N4BP2L2: variants seen among roughly 807,000 people sequenced by gnomAD.
The protein encoded by N4BP2L2 is NEDD4-binding protein 2-like 2.
N4BP2L2 carries 50 observed loss-of-function variants against 56.2 expected under a neutral mutation model. The ratio of observed to expected loss-of-function variants is 0.89; its 90% CI spans 0.71 to 1.13. N4BP2L2 has a LOEUF of 1.13. Ranked by LOEUF, N4BP2L2 falls within the 50% of genes most tolerant of loss-of-function variation. N4BP2L2 has a pLI of 0.00. For synonymous variants in N4BP2L2, 203 were observed against 223.6 expected, an observed-to-expected ratio of 0.91 and a Z score of 0.82; for missense variants, 689 against 693.8, an observed-to-expected ratio of 0.99 and a Z score of 0.08.
At chr13:32,497,376 A>G (rs1291681805) in intron 6 of N4BP2L2, among the ~76,000 whole-genome samples, 1 of 152,204 alleles carries the variant, frequency 6.6e-6, no homozygotes, top group Non-Finnish European at 1.5e-5. Context: ...CCTTGCTCCC[A>G]AGATTTTAGT....
chr13:32,486,047 C>A (rs991745581), intron 6 of N4BP2L2, among the ~76,000 whole-genome samples: 3 of 151,260 alleles, frequency 2.0e-5, no homozygotes, highest in Non-Finnish European at 3.0e-5. Context: ...TCCAGCCTGG[C>A]GAACAGAGAT....
chr13:32,441,967 T>A (rs2076445977), intron 7 of N4BP2L2, among the ~76,000 whole-genome samples: 1 of 151,942 alleles, frequency 6.6e-6, no homozygotes, highest in African/African-American at 2.4e-5. Context: ...TCCCAGTTAC[T>A]TGGGAGGCTG....
intron 6 of N4BP2L2, among the ~76,000 whole-genome samples, chr13:32,446,101 G>A (rs374907845): frequency 6.6e-6 from 1 of 152,214 alleles, no homozygotes; most frequent in East Asian, 1.9e-4. Flanking sequence ...TTGGACAAAT[G>A]AGATTAAACC....
intron 6 of N4BP2L2, among the ~76,000 whole-genome samples, chr13:32,457,095 C>G (rs184272283): frequency 6.6e-6 from 1 of 152,048 alleles, no homozygotes; most frequent in Non-Finnish European, 1.5e-5. Context: ...GCTGAGATCA[C>G]GCCACTGCAC....
At chr13:32,472,158 A>AT (rs1035839701) in intron 6 of N4BP2L2, among the ~76,000 whole-genome samples, 3 of 152,250 alleles carry the variant, frequency 2.0e-5, no homozygotes, top group African/African-American at 7.2e-5. Context: ...GAGCGGATTA[A>AT]TAAAAAAAGG....
intron 8 of N4BP2L2, among the ~76,000 whole-genome samples, chr13:32,437,811 T>G (rs1426547924): frequency 1.3e-5 from 2 of 152,228 alleles, no homozygotes; most frequent in Non-Finnish European, 2.9e-5. Flanking sequence ...AGTGAGTCCT[T>G]ATACCTGTAT....
intron 6 of N4BP2L2, among the ~76,000 whole-genome samples, chr13:32,464,948 A>G (rs957850210): frequency 1.3e-5 from 2 of 152,172 alleles, no homozygotes; most frequent in Non-Finnish European, 2.9e-5. Flanking sequence ...ACCAAGTGTT[A>G]ACAAGAATCT....
intron 6 of N4BP2L2, among the ~76,000 whole-genome samples, chr13:32,446,756 T>C (rs2077112290): frequency 6.6e-6 from 1 of 152,172 alleles, no homozygotes; most frequent in African/African-American, 2.4e-5. Flanking sequence ...AGGTCTACAA[T>C]TGCACTTGGA....
At chr13:32,505,541 A>C (rs1291127613), downstream of N4BP2L2, 1 of 152,164 alleles carries the variant, frequency 6.6e-6, no homozygotes, top group Non-Finnish European at 1.5e-5. Flanking sequence ...CTTGCATCTT[A>C]CTTTAAGCAG....
intron 6 of N4BP2L2, among the ~76,000 whole-genome samples, chr13:32,480,826 T>C (rs532884437): frequency 6.6e-6 from 1 of 152,132 alleles, no homozygotes; most frequent in South Asian, 2.1e-4. Context: ...ACCTAAAGAT[T>C]GGAATTTTTA....
exon 6 of N4BP2L2, chr13:32,515,737 A>G (rs2049059844): frequency 6.6e-6 from 1 of 152,154 alleles, no homozygotes; most frequent in African/African-American, 2.4e-5. Flanking sequence ...TATTTTAAAA[A>G]AACTAATTTT....
At chr13:32,433,992 G>C (rs1016502253) in intron 9 of N4BP2L2, among the ~76,000 whole-genome samples, 8 of 150,812 alleles carry the variant, frequency 5.3e-5, no homozygotes, top group African/African-American at 1.9e-4. Context: ...TTAATCCAAG[G>C]CAGTATTTAG....
chr13:32,485,081 A>G (rs1467851185), intron 6 of N4BP2L2, among the ~76,000 whole-genome samples: 2 of 152,226 alleles, frequency 1.3e-5, no homozygotes, highest in African/African-American at 2.4e-5. Context: ...GCTAACCTCA[A>G]AAAATTTCAC....
At chr13:32,528,757 C>T (rs1278577727) in intron 2 of N4BP2L2, among the ~76,000 whole-genome samples, 1 of 151,978 alleles carries the variant, frequency 6.6e-6, no homozygotes, top group African/African-American at 2.4e-5. Context: ...AGAATATTGG[C>T]CTGGAATGAT....
chr13:32,463,555 T>C (rs1174186388), intron 6 of N4BP2L2, among the ~76,000 whole-genome samples: 3 of 150,796 alleles, frequency 2.0e-5, no homozygotes, highest in Non-Finnish European at 4.4e-5. Flanking sequence ...TCCCAGCTAC[T>C]TGGGAGGCTG....
intron 6 of N4BP2L2, among the ~76,000 whole-genome samples, chr13:32,458,873 T>C (rs1393398421): frequency 3.9e-5 from 6 of 152,198 alleles, no homozygotes; most frequent in Non-Finnish European, 5.9e-5. Flanking sequence ...TTCTCCAGGA[T>C]AGACCACATG....
At chr13:32,450,576 G>A (rs558993488) in intron 6 of N4BP2L2, among the ~76,000 whole-genome samples, 54 of 151,632 alleles carry the variant, frequency 3.6e-4, no homozygotes, top group Middle Eastern at 3.4e-3. Context: ...TGCCCGCCTC[G>A]GCCTCCCAAA....
At chr13:32,444,643 GA>G (rs1255408519) in intron 6 of N4BP2L2, among the ~76,000 whole-genome samples, 2 of 152,154 alleles carry the variant, frequency 1.3e-5, no homozygotes, top group African/African-American at 4.8e-5. Flanking sequence ...TACACTTTGA[GA>G]AAGTTAAAGC....
At chr13:32,463,811 A>G (rs2080687977) in intron 6 of N4BP2L2, among the ~76,000 whole-genome samples, 1 of 151,664 alleles carries the variant, frequency 6.6e-6, no homozygotes, top group Admixed American at 6.6e-5. Context: ...TGAACTGTAT[A>G]TCCAGTAAAA....
Sources: allele counts gnomAD v4.1 joint callset (sites outside exome capture counted in the v4.1 genomes callset), GRCh38; gene constraint gnomAD v4.1.1; transcripts MANE v1.5; gene names NCBI Gene and HGNC (gene_info 2026-07-23, HGNC 2026-07-21).